The following GRM7 variants were observed in gnomAD, a reference collection of about 807,000 sequenced individuals.
GRM7 encodes the protein metabotropic glutamate receptor 7.
Under a neutral mutation model 84.5 loss-of-function variants are expected in GRM7, and 35 were observed. The observed-to-expected ratio is 0.41, with a 90% CI of 0.32 to 0.55. The LOEUF (loss-of-function observed/expected upper bound fraction) is 0.55, where lower values mean the gene tolerates loss of function less well. Among genes scored for constraint, GRM7 ranks in the 20% least tolerant of loss-of-function variants. The pLI is 0.19. For missense variants in GRM7, 1,003 were observed against 1,194.6 expected, an observed-to-expected ratio of 0.84 and a Z score of 2.36; for synonymous variants, 487 against 455.1, an observed-to-expected ratio of 1.07 and a Z score of -0.89.
intron 4 of GRM7, among the ~76,000 whole-genome samples, chr3:7,355,413 T>A (rs1177447862): frequency 6.6e-6 from 1 of 152,110 alleles, no homozygotes; most frequent in Non-Finnish European, 1.5e-5. Context: ...TTGGTCCATA[T>A]GATTCACCAG....
intron 2 of GRM7, among the ~76,000 whole-genome samples, chr3:7,295,030 G>A (rs1176971897): frequency 1.3e-5 from 2 of 152,028 alleles, no homozygotes; most frequent in South Asian, 2.1e-4. Flanking sequence ...AATTTATCAC[G>A]TTTTTCTTTA....
intron 4 of GRM7, among the ~76,000 whole-genome samples, chr3:7,373,187 T>TCTACTG (rs1694211217): frequency 6.6e-6 from 1 of 152,162 alleles, no homozygotes; most frequent in Non-Finnish European, 1.5e-5. Context: ...TTATCTTGGT[T>TCTACTG]ACCACTGATA....
chr3:7,024,953 C>T (rs1695922830), intron 1 of GRM7, among the ~76,000 whole-genome samples: 1 of 152,162 alleles, frequency 6.6e-6, no homozygotes, highest in East Asian at 1.9e-4. Context: ...AAATGGGTCT[C>T]ATAGTGCTAA....
chr3:7,236,956 C>T (rs1697368773), intron 2 of GRM7, among the ~76,000 whole-genome samples: 2 of 152,144 alleles, frequency 1.3e-5, no homozygotes, highest in South Asian at 4.1e-4. Flanking sequence ...CTTTCTCAGC[C>T]ATCGTGCATA....
intron 5 of GRM7, among the ~76,000 whole-genome samples, chr3:7,436,592 G>A (rs377007573): frequency 7.2e-4 from 109 of 152,300 alleles, no homozygotes; most frequent in African/African-American, 2.6e-3. Flanking sequence ...GATACGGGAT[G>A]TGGCTAAAGC....
At chr3:7,023,369 G>C (rs1347716774) in intron 1 of GRM7, among the ~76,000 whole-genome samples, 1 of 152,110 alleles carries the variant, frequency 6.6e-6, no homozygotes, top group African/African-American at 2.4e-5. Context: ...GTCAGGTAGA[G>C]GGGAATAGGT....
chr3:7,410,582 A>AAAAAT (rs1553585406), intron 4 of GRM7, among the ~76,000 whole-genome samples: 1 of 113,736 alleles, frequency 8.8e-6, no homozygotes, highest in African/African-American at 3.6e-5. Flanking sequence ...AAAAAAACAA[A>AAAAAT]ATATATATAT....
intron 4 of GRM7, among the ~76,000 whole-genome samples, chr3:7,314,045 A>G (rs762275163): frequency 1.3e-5 from 2 of 152,182 alleles, no homozygotes; most frequent in Non-Finnish European, 2.9e-5. Flanking sequence ...TGTCTTGATA[A>G]AACATTTCTC....
intron 4 of GRM7, among the ~76,000 whole-genome samples, chr3:7,350,824 G>A (rs1203762810): frequency 2.0e-5 from 3 of 151,964 alleles, no homozygotes; most frequent in Non-Finnish European, 4.4e-5. Flanking sequence ...ACCAGAGAAC[G>A]TCCTGTCACA....
intron 5 of GRM7, among the ~76,000 whole-genome samples, chr3:7,437,028 C>T (rs1074136): frequency 0.33 from 49,796 of 151,800 alleles, 9,421 homozygotes; most frequent in Non-Finnish European, 0.44. Context: ...CCAATGTATA[C>T]TCCTTACAAC....
intron 1 of GRM7, among the ~76,000 whole-genome samples, chr3:7,049,262 T>C (rs1696911699): frequency 6.6e-6 from 1 of 151,914 alleles, no homozygotes; most frequent in African/African-American, 2.4e-5. Context: ...GACTGCGCAA[T>C]TTAGAAACAA....
intron 2 of GRM7, among the ~76,000 whole-genome samples, chr3:7,229,740 T>C (rs1559514546): frequency 3.2e-5 from 1 of 31,220 alleles, no homozygotes; most frequent in Non-Finnish European, 7.0e-5. Flanking sequence ...TATATATATA[T>C]ATATATATAT....
Position 7,458,747 on chromosome 3 carries a change from T to C in GRM7, c.1376-2836T>C, listed in dbSNP as rs13325490. 4.7e-3 allele frequency among the ~76,000 whole-genome samples: 719 copies of C among 152,234 alleles called. 3 individuals carry two copies. Among genetic ancestry groups the C allele is most frequent in the African/African-American group, 0.014 (602 of 41,536 alleles). On this transcript the variant is annotated intron_variant, in intron 6 of 9. Transcript: ENST00000357716. ...CCTCCCATATTCTTCCTTTCTCCTC[T>C]CAAAGACTATGAAAATCTCAAATCA... is the stretch of plus-strand genomic sequence containing the variant.
intron 1 of GRM7, among the ~76,000 whole-genome samples, chr3:6,949,994 G>T (rs339026): frequency 3.3e-5 from 5 of 151,888 alleles, no homozygotes; most frequent in Non-Finnish European, 5.9e-5. Flanking sequence ...CTTTGCCGTT[G>T]GTTCGAACTT....
chr3:7,061,734 G>A (rs916629851), intron 1 of GRM7, among the ~76,000 whole-genome samples: 4 of 151,660 alleles, frequency 2.6e-5, no homozygotes, highest in African/African-American at 9.7e-5. Flanking sequence ...CATGTCGAGT[G>A]CTTTGCATAC....
Position 7,644,212 on chromosome 3 carries a change from A to ATGTG in GRM7, c.2452-35837_2452-35836insTGTG, listed in dbSNP as rs1698514199. Among the ~76,000 whole-genome samples the ATGTG allele has an allele frequency of 4.9e-5, 7 of 141,714 alleles. No individual in the cohort carries two copies. In the South Asian group the frequency reaches 8.6e-4, roughly 17 times the overall value. 93.0% of individuals were successfully genotyped at this position (141,714 alleles called of 152,430 possible). On this transcript the variant is annotated intron_variant, in intron 8 of 9. Coordinates refer to ENST00000357716, the MANE Select transcript of GRM7 (RefSeq NM_000844.4). ...TCTGTACGTATATATATATGTCTGTACATATATATGTGTGTGTCTGTACAT... is the reference window on the plus strand; with the variant it reads ...TCTGTACGTATATATATATGTCTGTATGTGCATATATATGTGTGTGTCTGTACAT...
intron 1 of GRM7, among the ~76,000 whole-genome samples, chr3:6,969,741 C>T (rs1057265541): frequency 6.6e-6 from 1 of 152,182 alleles, no homozygotes; most frequent in Admixed American, 6.5e-5. Context: ...GTTAACAATT[C>T]CACCCATATC....
At chr3:7,538,152 C>T (rs1365496901) in intron 7 of GRM7, among the ~76,000 whole-genome samples, 3 of 152,056 alleles carry the variant, frequency 2.0e-5, no homozygotes, top group Non-Finnish European at 2.9e-5. Flanking sequence ...TTTTGTTGCC[C>T]AGGCTGGAGT....
intron 2 of GRM7, among the ~76,000 whole-genome samples, chr3:7,297,621 A>G (rs187162972): frequency 6.6e-6 from 1 of 151,454 alleles, no homozygotes; most frequent in Admixed American, 6.6e-5. Flanking sequence ...TTAATTTTGT[A>G]TTTGATTTTA....
Sources: allele counts gnomAD v4.1 joint callset (sites outside exome capture counted in the v4.1 genomes callset), GRCh38; gene constraint gnomAD v4.1.1; transcripts MANE v1.5; gene names NCBI Gene and HGNC (gene_info 2026-07-23, HGNC 2026-07-21).